PDE2A: variants seen among roughly 807,000 people sequenced by gnomAD.
PDE2A encodes the protein phosphodiesterase 2A, also known as cGMP-dependent 3',5'-cyclic phosphodiesterase.
Under a neutral mutation model 133.6 loss-of-function variants are expected in PDE2A, and 53 were observed. The observed-to-expected ratio is 0.40, with a 90% CI of 0.32 to 0.50. The LOEUF (loss-of-function observed/expected upper bound fraction) is 0.50. Among genes scored for constraint, PDE2A ranks in the 20% least tolerant of loss-of-function variants. PDE2A has a pLI of 0.73. For synonymous variants in PDE2A, 491 were observed against 490.2 expected, an observed-to-expected ratio of 1.00 and a Z score of -0.02; for missense variants, 796 against 1,232.4, an observed-to-expected ratio of 0.65 and a Z score of 5.30.
chr11:72,592,383 G>C (rs1856290423), intron 6 of PDE2A, among the ~76,000 whole-genome samples: 2 of 152,218 alleles, frequency 1.3e-5, no homozygotes, highest in Middle Eastern at 3.2e-3. Context: ...CCTGCCAGGA[G>C]CAGATGGGGA....
chr11:72,646,762 C>A lies in PDE2A; in HGVS notation c.72-4436G>T, dbSNP rs568476755. Reference sequence around the variant, plus strand: ...TGAACCTCTGGCTTTTCTTCCACCTCTTTGCCTTTGCCCAACCTGTTGCCC... The same window carrying A: ...TGAACCTCTGGCTTTTCTTCCACCTATTTGCCTTTGCCCAACCTGTTGCCC... On this transcript the variant is annotated intron_variant, in intron 1 of 30. Coordinates refer to ENST00000334456, the MANE Select transcript of PDE2A (RefSeq NM_002599.5). Among the ~76,000 whole-genome samples, 117 of 152,340 alleles carry A rather than the reference C, an allele frequency of 7.7e-4. 1 individual carries two copies. Among genetic ancestry groups the A allele is most frequent in the African/African-American group, 2.7e-3 (113 of 41,572 alleles).
rs1855566851 is a variant in PDE2A at position 72,578,546 on chromosome 11, AT to A, written c.2470-33del. On this transcript the variant is annotated intron_variant, in intron 28 of 30. Transcript: ENST00000334456. This position sits in a 1 kb window ranked among gnomAD's most constrained non-coding sequence, Gnocchi z 4.2. ...GGCCAACACTCTCATCACATCCTCTATGTAGGATACATCCACCCAAGCTCCT... is the reference window on the plus strand; with the variant it reads ...GGCCAACACTCTCATCACATCCTCTAGTAGGATACATCCACCCAAGCTCCT... 6.3e-7 allele frequency: 1 copy of A among 1,582,930 alleles called. No homozygotes were observed. Among genetic ancestry groups the A allele is most frequent in the South Asian group, 1.1e-5 (1 of 90,422 alleles).
chr11:72,627,590 A>G (rs1473881747), intron 2 of PDE2A, among the ~76,000 whole-genome samples: 1 of 152,206 alleles, frequency 6.6e-6, no homozygotes, highest in Admixed American at 6.5e-5. Flanking sequence ...CTCAGGGCAT[A>G]AGGGGACACA....
At chr11:72,614,655 A>C (rs1857373155) in intron 2 of PDE2A, among the ~76,000 whole-genome samples, 3 of 152,060 alleles carry the variant, frequency 2.0e-5, no homozygotes, top group African/African-American at 7.2e-5. Flanking sequence ...TGGTCGGGGG[A>C]CCACACCTCG....
At chr11:72,611,091 A>T (rs534162733) in intron 2 of PDE2A, among the ~76,000 whole-genome samples, 1 of 152,336 alleles carries the variant, frequency 6.6e-6, no homozygotes, top group African/African-American at 2.4e-5. Context: ...AGAGGAGCCC[A>T]CAAGCTGACT....
Position 72,584,737 on chromosome 11 carries a change from G to C in PDE2A, c.1360-9C>G. The C allele has an allele frequency of 6.2e-7, 1 of 1,613,102 alleles. No homozygotes were observed. The highest frequency in any genetic ancestry group is 2.2e-5 in the East Asian group (1 of 44,884). On this transcript the variant is annotated splice_polypyrimidine_tract_variant and intron_variant, in intron 17 of 30. Coordinates refer to ENST00000334456, the MANE Select transcript of PDE2A (RefSeq NM_002599.5). ...ATGCGGATCTCATAGCTCTGCCGGA[G>C]CAGAGATGGAGTCGAGAGGAAGAAG...
At chr11:72,619,628 A>T (rs920886650) in intron 2 of PDE2A, among the ~76,000 whole-genome samples, 4 of 152,140 alleles carry the variant, frequency 2.6e-5, no homozygotes, top group African/African-American at 9.7e-5. Flanking sequence ...TGTCCATGTG[A>T]CAGTGGTATA....
intron 1 of PDE2A, among the ~76,000 whole-genome samples, chr11:72,653,998 C>T (rs1181538738): frequency 6.6e-6 from 1 of 152,224 alleles, no homozygotes; most frequent in Non-Finnish European, 1.5e-5. Context: ...TGACACCACT[C>T]CTAGTTGCCC....
At chr11:72,617,338 C>T (rs1053561770) in intron 2 of PDE2A, among the ~76,000 whole-genome samples, 1 of 152,176 alleles carries the variant, frequency 6.6e-6, no homozygotes, top group African/African-American at 2.4e-5. Context: ...GAGGCAAGCC[C>T]AGCCATGCTG....
rs913176850 is a variant in PDE2A, at chr11:72,635,990, C to T, written c.144+6264G>A. 3.3e-5 allele frequency: 41 copies of T among 1,246,002 alleles called. No individual in the cohort carries two copies. The Admixed American group carries it at 3.7e-4, about 11-fold the overall frequency. 77.2% of individuals were successfully genotyped at this position (1,246,002 alleles called of 1,614,324 possible). ...CTCAGCCCCTCTTACCCTGAGCTCC[C>T]GAAACTCCCATGCCCTTCCTGTCTC... is the stretch of plus-strand genomic sequence containing the variant. On this transcript the variant is annotated intron_variant, in intron 2 of 30. Coordinates refer to ENST00000334456, the MANE Select transcript of PDE2A (RefSeq NM_002599.5).
chr11:72,622,652 A>G (rs999121595), intron 2 of PDE2A, among the ~76,000 whole-genome samples: 1 of 152,212 alleles, frequency 6.6e-6, no homozygotes, highest in Non-Finnish European at 1.5e-5. Context: ...AGTCCAAGTC[A>G]TAGAGACAGA....
intron 2 of PDE2A, among the ~76,000 whole-genome samples, chr11:72,637,188 G>A (rs2135428623): frequency 6.6e-6 from 1 of 152,336 alleles, no homozygotes; most frequent in South Asian, 2.1e-4. Context: ...ACTCTGGGCT[G>A]AAATAGGGGT....
In PDE2A at chr11:72,590,394, C is replaced by T. The variant is rs746027725; in HGVS notation, c.703+33G>A. 3 of 1,583,856 alleles carry T rather than the reference C, an allele frequency of 1.9e-6. No individual in the cohort carries two copies. The highest frequency in any genetic ancestry group is 1.3e-5 in the African/African-American group (1 of 74,516). On this transcript the variant is annotated intron_variant, in intron 8 of 30. Transcript: ENST00000334456. The surrounding 1 kb of genome is among the most constrained non-coding windows in gnomAD (Gnocchi z 4.8). Reference sequence around the variant, plus strand: ...CTCCCCTCCAAGTTCTGCCCGGCCCCGCCCTCGTGACCTGTCCAGGCCGGG... The same window carrying T: ...CTCCCCTCCAAGTTCTGCCCGGCCCTGCCCTCGTGACCTGTCCAGGCCGGG...
At chr11:72,627,804 G>A (rs1858160909) in intron 2 of PDE2A, among the ~76,000 whole-genome samples, 1 of 152,258 alleles carries the variant, frequency 6.6e-6, no homozygotes, top group Admixed American at 6.5e-5. Context: ...TGGGCCCTGA[G>A]AGCCATCACA....
chr11:72,584,869 C>G lies in PDE2A; in HGVS notation c.1359+3G>C, dbSNP rs753033954. 1 of 1,613,836 alleles carries G rather than the reference C, an allele frequency of 6.2e-7. No individual in the cohort carries two copies. Among genetic ancestry groups the G allele is most frequent in the South Asian group, 1.1e-5 (1 of 91,082 alleles). On this transcript the variant is annotated splice_donor_region_variant and intron_variant, in intron 17 of 30. Coordinates refer to ENST00000334456, the MANE Select transcript of PDE2A (RefSeq NM_002599.5). The stretch of plus-strand genomic sequence containing the variant: ...GCCACATACTCCCTCCACACCCTCT[C>G]ACCTCATCATCCACCACGCCCCCGT...
At chr11:72,645,589 C>G (rs1256147647) in intron 1 of PDE2A, among the ~76,000 whole-genome samples, 2 of 152,198 alleles carry the variant, frequency 1.3e-5, no homozygotes, top group Non-Finnish European at 2.9e-5. Flanking sequence ...TGCCTGGGAG[C>G]ATTTTAAATA....
At position 72,584,189 on chromosome 11, in the gene PDE2A, C is replaced by CCAAA; in HGVS notation, c.1650+11_1650+12insTTTG. 2 of 1,079,294 alleles carry CCAAA rather than the reference C, an allele frequency of 1.9e-6. No individual in the cohort carries two copies. The highest frequency in any genetic ancestry group is 2.7e-6 in the Non-Finnish European group (2 of 727,970). 66.9% of individuals were successfully genotyped at this position (1,079,294 alleles called of 1,614,324 possible). ...CTATCACCCCACACCCCACTCCCAA[C>CCAAA]CCCGCCCTCACATGGGCGATGCTGA... On this transcript the variant is annotated intron_variant, in intron 19 of 30. Coordinates refer to ENST00000334456, the MANE Select transcript of PDE2A (RefSeq NM_002599.5).
Position 72,597,336 on chromosome 11 carries a change from G to C in PDE2A, c.433+174C>G, listed in dbSNP as rs191132991. ...TATAGTCAGGAAGTTGAGGCTCAGA[G>C]AATTTAGTAGTACAATAGAGAGAGA... On this transcript the variant is annotated intron_variant, in intron 5 of 30. Transcript: ENST00000334456. The surrounding 1 kb of genome is among the most constrained non-coding windows in gnomAD (Gnocchi z 4.6). 8.5e-5 allele frequency among the ~76,000 whole-genome samples: 13 copies of C among 152,308 alleles called. No homozygotes were observed. Among genetic ancestry groups the C allele is most frequent in the Non-Finnish European group, 1.3e-4 (9 of 68,036 alleles).
intron 1 of PDE2A, among the ~76,000 whole-genome samples, chr11:72,661,530 G>C (rs1855063269): frequency 6.6e-6 from 1 of 152,222 alleles, no homozygotes; most frequent in South Asian, 2.1e-4. Flanking sequence ...AACAGTCAGT[G>C]ATGCCATGTG....
Sources: allele counts gnomAD v4.1 joint callset (sites outside exome capture counted in the v4.1 genomes callset), GRCh38; gene constraint gnomAD v4.1.1; non-coding constraint Gnocchi (gnomAD v3.1); transcripts MANE v1.5; gene names NCBI Gene and HGNC (gene_info 2026-07-23, HGNC 2026-07-21).